The following INTS8 variants were observed in gnomAD, a reference collection of about 807,000 sequenced individuals.
The protein encoded by INTS8 is protein kaonashi-1.
Under a neutral mutation model 138.9 loss-of-function variants are expected in INTS8, and 47 were observed. That is an observed-to-expected ratio of 0.34 (90% CI 0.27 to 0.43). INTS8 has a LOEUF of 0.43. Among genes scored for constraint, INTS8 ranks in the 20% least tolerant of loss-of-function variants. INTS8 has a pLI of 1.00. For synonymous variants in INTS8, 392 were observed against 400.9 expected, an observed-to-expected ratio of 0.98 and a Z score of 0.27; for missense variants, 996 against 1,173.0, an observed-to-expected ratio of 0.85 and a Z score of 2.20.
intron 12 of INTS8, among the ~76,000 whole-genome samples, chr8:94,850,735 AAG>A (rs966605474): frequency 6.6e-6 from 1 of 152,120 alleles, no homozygotes; most frequent in African/African-American, 2.4e-5. Flanking sequence ...TGGGACCAAA[AAG>A]AGGACAGATT....
chr8:94,874,988 C>A (rs1383352482), intron 23 of INTS8, among the ~76,000 whole-genome samples: 1 of 152,104 alleles, frequency 6.6e-6, no homozygotes, highest in African/African-American at 2.4e-5. Context: ...GAAATTGGCA[C>A]CCTCATATGT....
intron 20 of INTS8, among the ~76,000 whole-genome samples, chr8:94,869,923 G>A (rs973773922): frequency 6.6e-6 from 1 of 152,160 alleles, no homozygotes; most frequent in Non-Finnish European, 1.5e-5. Context: ...TCAGACTCAC[G>A]GGGTTTGAGC....
rs563848436 is a variant in INTS8, at chr8:94,880,684, G to A, written c.*450G>A. 1 of 393,954 alleles carries A rather than the reference G, an allele frequency of 2.5e-6. No homozygotes were observed. Among genetic ancestry groups the A allele is most frequent in the African/African-American group, 2.1e-5 (1 of 48,536 alleles). 24.4% of individuals were successfully genotyped at this position (393,954 alleles called of 1,614,324 possible). Reference sequence around the variant, plus strand: ...TGTTAAGCTTTATCACTTTGACACTGTCCTTATCTCACAATGGAGGAATTT... The same window carrying A: ...TGTTAAGCTTTATCACTTTGACACTATCCTTATCTCACAATGGAGGAATTT... On this transcript the variant is annotated 3_prime_UTR_variant, in exon 27 of 27. Coordinates refer to ENST00000523731, the MANE Select transcript of INTS8 (RefSeq NM_017864.4).
chr8:94,837,272 A>G (rs7012518), intron 7 of INTS8, among the ~76,000 whole-genome samples: 241 of 152,258 alleles, frequency 1.6e-3, no homozygotes, highest in African/African-American at 5.5e-3. Flanking sequence ...AAACATTTTT[A>G]CTGTGTTTAT....
chr8:94,857,208 G>C (rs1308694171), intron 15 of INTS8, among the ~76,000 whole-genome samples: 2 of 151,762 alleles, frequency 1.3e-5, no homozygotes, highest in Non-Finnish European at 2.9e-5. Flanking sequence ...CAGTTGCTGG[G>C]ATTAAAGGAA....
chr8:94,874,594 C>A lies in INTS8; in HGVS notation c.2680C>A (p.His894Asn). 4 of 1,570,096 alleles carry A rather than the reference C, an allele frequency of 2.5e-6. No homozygotes were observed. Among genetic ancestry groups the A allele is most frequent in the South Asian group, 1.1e-5 (1 of 89,958 alleles). The change falls in exon 23 of 27, where the codon CAC becomes AAC. Residue 894 changes from histidine (H) to asparagine (N), a missense_variant. Physicochemically the swap from His to Asn is moderately conservative, Grantham distance 68. Transcript: ENST00000523731. ...MIKCCSLLNCHTQVAILCQFL... is the reference protein window; with the variant it reads ...MIKCCSLLNCNTQVAILCQFL... ...AAAATGTTGTTCTTTGCTGAATTGC[C>A]ACACACAGGTTAGTTTATAATATTA...
chr8:94,875,111 C>G (rs939983035), intron 23 of INTS8, among the ~76,000 whole-genome samples: 58 of 152,174 alleles, frequency 3.8e-4, no homozygotes, highest in African/African-American at 1.4e-3. Context: ...CCAGCAGTTT[C>G]ACTCCTAGGT....
chr8:94,878,077 T>C (rs1307239945), intron 26 of INTS8, among the ~76,000 whole-genome samples: 1 of 152,182 alleles, frequency 6.6e-6, no homozygotes, highest in East Asian at 1.9e-4. Context: ...GCGTCTTCCC[T>C]TTATCCTTTA....
rs557507545 is a variant in INTS8, at chr8:94,832,646, A to ATTTGTT, written c.753+488_753+493dup. On this transcript the variant is annotated intron_variant, in intron 6 of 26. Coordinates refer to ENST00000523731, the MANE Select transcript of INTS8 (RefSeq NM_017864.4). ...CAGTTGATGCTTATTGTCAGGTATT[A>ATTTGTT]TTTGTTTTTGTTTTTGTTTTTTTTT... Among the ~76,000 whole-genome samples the ATTTGTT allele has an allele frequency of 2.0e-3, 302 of 151,040 alleles. 3 individuals are homozygous for ATTTGTT. The highest frequency in any genetic ancestry group is 7.2e-3 in the African/African-American group (294 of 41,098).
At position 94,880,170 on chromosome 8, in the gene INTS8, T is replaced by TGTA; in HGVS notation, c.2924_2925insGTA (p.Leu975_Gln976insTer). Reference sequence around the variant, plus strand: ...AATGCAAGCAATCCAGAAGAAGTGTTACAGCTGGCAGCGCAGAGAAGGAAA... The same window carrying TGTA: ...AATGCAAGCAATCCAGAAGAAGTGTTGTAACAGCTGGCAGCGCAGAGAAGGAAA... On this transcript the variant is annotated stop_gained and inframe_insertion, in exon 27 of 27. Transcript: ENST00000523731. LOFTEE classifies it high-confidence loss of function. The TGTA allele has an allele frequency of 6.2e-7, 1 of 1,612,760 alleles. No individual in the cohort carries two copies. Among genetic ancestry groups the TGTA allele is most frequent in the Non-Finnish European group, 8.5e-7 (1 of 1,179,600 alleles).
At chr8:94,832,704 G>A (rs985698092) in intron 6 of INTS8, among the ~76,000 whole-genome samples, 1 of 152,018 alleles carries the variant, frequency 6.6e-6, no homozygotes, top group African/African-American at 2.4e-5. Context: ...ACCCAGGCTG[G>A]AGTGCAGTGG....
Position 94,856,149 on chromosome 8 carries a change from G to A in INTS8, c.1753-628G>A, listed in dbSNP as rs539669235. 1.8e-4 allele frequency among the ~76,000 whole-genome samples: 27 copies of A among 152,330 alleles called. No homozygotes were observed. The South Asian group carries it at 5.4e-3, about 30-fold the overall frequency. On this transcript the variant is annotated intron_variant, in intron 14 of 26. Coordinates refer to ENST00000523731, the MANE Select transcript of INTS8 (RefSeq NM_017864.4). Reference sequence around the variant, plus strand: ...AGAAAAGGGCAATACATAGCACTGAGTTGAAGCCCCTAATTCCTGTAAGAT... The same window carrying A: ...AGAAAAGGGCAATACATAGCACTGAATTGAAGCCCCTAATTCCTGTAAGAT...
At chr8:94,831,324 G>C (rs1285325932) in intron 5 of INTS8, among the ~76,000 whole-genome samples, 1 of 151,822 alleles carries the variant, frequency 6.6e-6, no homozygotes. Context: ...ATGCTGGCCA[G>C]GCAGGTCTCG....
chr8:94,838,398 A>G, intron 7 of INTS8, 65 bp from the exon 8 acceptor site: 1 of 1,338,720 alleles, frequency 7.5e-7, no homozygotes, highest in Non-Finnish European at 1.1e-6. Flanking sequence ...AAACATGCTA[A>G]GGGGGTGCTA....
chr8:94,862,478 C>G (rs139623344), intron 16 of INTS8, among the ~76,000 whole-genome samples: 213 of 152,264 alleles, frequency 1.4e-3, no homozygotes, highest in African/African-American at 4.9e-3. Context: ...GAGCTGTGCA[C>G]CAGGAGAGAT....
In INTS8 at chr8:94,856,804, G is replaced by A; in HGVS notation, c.1780G>A (p.Ala594Thr). Residue 594 changes from alanine (A) to threonine (T), a missense_variant, in exon 15 of 27, where the codon GCT (alanine) becomes ACT (threonine). Coordinates refer to ENST00000523731, the MANE Select transcript of INTS8 (RefSeq NM_017864.4). The stretch of plus-strand genomic sequence containing the variant: ...CTTTTCCCATGCTAAACAGCTCTTT[G>A]CTGCTTGTTTGGAGTTGGTAACAGA... ...KDFSHAKQLF[A>T]ACLELVTEFS... 6.2e-7 allele frequency: 1 copy of A among 1,614,094 alleles called. No homozygotes were observed. The highest frequency in any genetic ancestry group is 8.5e-7 in the Non-Finnish European group (1 of 1,180,022).
chr8:94,838,963 G>A (rs1815036369), intron 8 of INTS8, among the ~76,000 whole-genome samples: 1 of 152,198 alleles, frequency 6.6e-6, no homozygotes, highest in African/African-American at 2.4e-5. Flanking sequence ...ACAGCTTTTA[G>A]TTGTGTGTGT....
intron 23 of INTS8, among the ~76,000 whole-genome samples, chr8:94,875,547 T>C (rs1006264789): frequency 6.6e-6 from 1 of 152,206 alleles, no homozygotes; most frequent in Non-Finnish European, 1.5e-5. Context: ...ATAGTGGTGA[T>C]GGTTGTACAA....
rs551704412 is a variant in INTS8 at position 94,839,429 on chromosome 8, A to C, written c.1017+811A>C. On this transcript the variant is annotated intron_variant, in intron 8 of 26. Coordinates refer to ENST00000523731, the MANE Select transcript of INTS8 (RefSeq NM_017864.4). ...TCATGTTTAACTCAAAATAGGAATC[A>C]TGAAATGATAAAGCCATAACTTAGT... Among the ~76,000 whole-genome samples, 3 of 152,356 alleles carry C rather than the reference A, an allele frequency of 2.0e-5. No individual in the cohort carries two copies. The South Asian group carries it at 6.2e-4, about 32-fold the overall frequency.
Sources: gnomAD v4.1 joint callset for allele counts (sites outside exome capture counted in the v4.1 genomes callset) on GRCh38, gnomAD v4.1.1 for gene constraint, MANE v1.5 for transcripts, NCBI Gene and HGNC (gene_info 2026-07-23, HGNC 2026-07-21) for gene names.